CASZ1: variants seen among roughly 807,000 people sequenced by gnomAD.
The protein encoded by CASZ1 is zinc finger protein castor homolog 1.
A neutral mutation model predicts 135.2 loss-of-function variants in CASZ1; 28 were observed. That is an observed-to-expected ratio of 0.21 (90% CI 0.15 to 0.28). CASZ1 has a LOEUF of 0.28. Ranked by LOEUF, CASZ1 falls within the 10% of genes least tolerant of loss-of-function variation. The pLI is 1.00. For synonymous variants in CASZ1, 1,068 were observed against 1,073.4 expected, an observed-to-expected ratio of 0.99 and a Z score of 0.10; for missense variants, 2,161 against 2,453.3, an observed-to-expected ratio of 0.88 and a Z score of 2.52.
Position 10,759,311 on chromosome 1 carries a change from C to T in CASZ1, c.-77+1390G>A, listed in dbSNP as rs1025946625. On this transcript the variant is annotated intron_variant, in intron 2 of 20. Transcript: ENST00000377022. This position sits in a 1 kb window ranked among gnomAD's most constrained non-coding sequence, Gnocchi z 4.2. ...CGGGAAGGTGGCAGAGGTGCAGGTG[C>T]TAACGCCAAGCCCAGAAGACTTCAG... Among the ~76,000 whole-genome samples the T allele has an allele frequency of 2.6e-5, 4 of 152,154 alleles. No homozygotes were observed. The highest frequency in any genetic ancestry group is 5.9e-5 in the Non-Finnish European group (4 of 68,034).
chr1:10,750,493 C>T (rs1570557830), intron 2 of CASZ1, among the ~76,000 whole-genome samples: 2 of 152,188 alleles, frequency 1.3e-5, no homozygotes, highest in South Asian at 2.1e-4. Flanking sequence ...GAGTCTTGAA[C>T]CCCTGGCGTC....
At chr1:10,723,811 T>C (rs111599467) in intron 2 of CASZ1, among the ~76,000 whole-genome samples, 11 of 151,864 alleles carry the variant, frequency 7.2e-5, no homozygotes, top group Non-Finnish European at 1.5e-4. Context: ...TCCCTCTAAC[T>C]CCCCCTGCAA....
At chr1:10,716,496 C>T (rs532536944) in intron 2 of CASZ1, among the ~76,000 whole-genome samples, 34 of 152,218 alleles carry the variant, frequency 2.2e-4, no homozygotes, top group Non-Finnish European at 4.1e-4. Flanking sequence ...GACGTATGGA[C>T]CATCTGGGGG....
chr1:10,710,352 G>A (rs1639261906), intron 2 of CASZ1, among the ~76,000 whole-genome samples: 1 of 152,128 alleles, frequency 6.6e-6, no homozygotes. Flanking sequence ...CAAGGCTCCA[G>A]GAGAAAAGCT....
chr1:10,754,442 A>C (rs1364952322), intron 2 of CASZ1, among the ~76,000 whole-genome samples: 1 of 152,024 alleles, frequency 6.6e-6, no homozygotes, highest in Non-Finnish European at 1.5e-5. Flanking sequence ...CAGGACTTGG[A>C]CCACCACCTC....
intron 2 of CASZ1, among the ~76,000 whole-genome samples, chr1:10,746,722 C>T (rs1640048323): frequency 6.6e-6 from 1 of 152,232 alleles, no homozygotes; most frequent in Non-Finnish European, 1.5e-5. Flanking sequence ...TTGGGGCCAC[C>T]ACAGGGCAGA....
At chr1:10,770,921 C>A (rs1254530544) in intron 1 of CASZ1, among the ~76,000 whole-genome samples, 2 of 152,222 alleles carry the variant, frequency 1.3e-5, no homozygotes, top group African/African-American at 4.8e-5. Flanking sequence ...GCAACCCAAG[C>A]CCCAGTCCCG....
chr1:10,731,455 T>C (rs1639701297), intron 2 of CASZ1, among the ~76,000 whole-genome samples: 1 of 151,954 alleles, frequency 6.6e-6, no homozygotes, highest in African/African-American at 2.4e-5. Flanking sequence ...CATTGTGGCA[T>C]GCGCCTGTGC....
chr1:10,741,995 C>T lies in CASZ1; in HGVS notation c.-77+18706G>A, dbSNP rs1177012041. Among the ~76,000 whole-genome samples, 1 of 152,030 alleles carries T rather than the reference C, an allele frequency of 6.6e-6. No individual in the cohort carries two copies. Among genetic ancestry groups the T allele is most frequent in the East Asian group, 1.9e-4 (1 of 5,188 alleles). Reference sequence around the variant, plus strand: ...GGACCCCTCACCGCTTCTCACGTGCCCCCAGCCGCAACCCCACCACGGCTG... The same window carrying T: ...GGACCCCTCACCGCTTCTCACGTGCTCCCAGCCGCAACCCCACCACGGCTG... On this transcript the variant is annotated intron_variant, in intron 2 of 20. Coordinates refer to ENST00000377022, the MANE Select transcript of CASZ1 (RefSeq NM_001079843.3). The surrounding 1 kb of genome is among the most constrained non-coding windows in gnomAD (Gnocchi z 5.0).
chr1:10,650,777 A>T, intron 12 of CASZ1, 22 bp from the exon 13 acceptor site: 1 of 1,606,422 alleles, frequency 6.2e-7, no homozygotes, highest in Non-Finnish European at 8.5e-7. Context: ...AAACCAAGGG[A>T]CTTGAGCTCA....
intron 3 of CASZ1, among the ~76,000 whole-genome samples, chr1:10,696,413 G>C (rs1638935932): frequency 6.6e-6 from 1 of 152,240 alleles, no homozygotes; most frequent in Non-Finnish European, 1.5e-5. Flanking sequence ...CCAAGTCTAA[G>C]CCTGGGAGTA....
chr1:10,645,121 G>C, intron 17 of CASZ1, 33 bp from the exon 18 acceptor site: 15 of 1,599,356 alleles, frequency 9.4e-6, no homozygotes, highest in Non-Finnish European at 1.2e-5. Flanking sequence ...CAGGACAGGC[G>C]GGTGACTTTC....
At chr1:10,659,324 T>TG (rs879927122) in intron 6 of CASZ1, among the ~76,000 whole-genome samples, 39,369 of 152,028 alleles carry the variant, frequency 0.26, 6,078 homozygotes, top group African/African-American at 0.42. Context: ...AGATGGGGTG[T>TG]GCTGTCATGG....
chr1:10,735,170 C>T lies in CASZ1; in HGVS notation c.-77+25531G>A, dbSNP rs747870927. On this transcript the variant is annotated intron_variant, in intron 2 of 20. Transcript: ENST00000377022. This position sits in a 1 kb window ranked among gnomAD's most constrained non-coding sequence, Gnocchi z 5.1. The stretch of plus-strand genomic sequence containing the variant: ...AAGTAACTGAATTTTGATGAAAAGA[C>T]GGCGGTAATTTACGGCATCACAAAA... Among the ~76,000 whole-genome samples the T allele has an allele frequency of 1.3e-5, 2 of 152,186 alleles. No individual in the cohort carries two copies. The highest frequency in any genetic ancestry group is 6.5e-5 in the Admixed American group (1 of 15,286).
At position 10,648,165 on chromosome 1, in the gene CASZ1, C is replaced by T. The variant is rs1642435047; in HGVS notation, c.3159-26G>A. On this transcript the variant is annotated intron_variant, in intron 15 of 20. Transcript: ENST00000377022. ...CTGCGAGAGGTAGAAGAGGGGGTCT[C>T]ATGGGGGGCAGTGAAGACAGGTGTG... 4.1e-6 allele frequency: 6 copies of T among 1,458,634 alleles called. No individual in the cohort carries two copies. The South Asian group carries it at 7.0e-5, about 17-fold the overall frequency. 90.4% of individuals were successfully genotyped at this position (1,458,634 alleles called of 1,614,324 possible).
At chr1:10,795,827 C>T (rs975671797) in intron 1 of CASZ1, among the ~76,000 whole-genome samples, 1 of 152,192 alleles carries the variant, frequency 6.6e-6, no homozygotes, top group Non-Finnish European at 1.5e-5. Context: ...TCTAAGAAAT[C>T]TCTTGCCTTC....
intron 1 of CASZ1, among the ~76,000 whole-genome samples, chr1:10,790,031 C>T (rs1371542587): frequency 6.6e-6 from 1 of 152,198 alleles, no homozygotes; most frequent in Non-Finnish European, 1.5e-5. Flanking sequence ...TGCTGGCACA[C>T]CAGGCAGCCC....
In CASZ1 at chr1:10,647,575, T is replaced by C; in HGVS notation, c.3497+226A>G. On this transcript the variant is annotated intron_variant, in intron 16 of 20. Coordinates refer to ENST00000377022, the MANE Select transcript of CASZ1 (RefSeq NM_001079843.3). This position sits in a 1 kb window ranked among gnomAD's most constrained non-coding sequence, Gnocchi z 4.9. ...CATGCCCTGCAGGAGCAGTAGCCAC[T>C]GCCGCCACCATCGGCCCACGCGGGC... The C allele has an allele frequency of 7.1e-7, 1 of 1,415,802 alleles. No homozygotes were observed. Among genetic ancestry groups the C allele is most frequent in the Non-Finnish European group, 9.2e-7 (1 of 1,087,034 alleles). The allele number at this position is 1,415,802 out of a possible 1,614,324, so 87.7% of individuals were successfully genotyped here.
intron 1 of CASZ1, among the ~76,000 whole-genome samples, chr1:10,789,369 C>G (rs568521864): frequency 2.0e-5 from 3 of 150,816 alleles, no homozygotes; most frequent in South Asian, 2.1e-4. Context: ...CTGCCCCCCG[C>G]ACCCCCTCCT....
Sources: gnomAD v4.1 joint callset for allele counts (sites outside exome capture counted in the v4.1 genomes callset) on GRCh38, gnomAD v4.1.1 for gene constraint, Gnocchi (gnomAD v3.1) non-coding constraint, MANE v1.5 for transcripts, NCBI Gene and HGNC (gene_info 2026-07-23, HGNC 2026-07-21) for gene names.